The following MYH7B variants were observed in gnomAD, a reference collection of about 807,000 sequenced individuals.
MYH7B encodes myosin-7B.
In MYH7B, 205 loss-of-function variants were observed where a neutral mutation model predicts 234.5. The ratio of observed to expected loss-of-function variants is 0.87; its 90% CI spans 0.78 to 0.98. The LOEUF (loss-of-function observed/expected upper bound fraction) is 0.98, where lower values mean the gene tolerates loss of function less well. MYH7B is among the 50% of genes least tolerant of loss of function. The pLI is 0.00. For missense variants in MYH7B, 2,652 were observed against 2,633.4 expected (o/e 1.01, Z -0.15); for synonymous variants, 1,193 against 1,105.0 (o/e 1.08, Z -1.58).
intron 2 of MYH7B, among the ~76,000 whole-genome samples, chr20:34,960,581 C>T (rs2081686856): frequency 6.6e-6 from 1 of 152,268 alleles, no homozygotes; most frequent in South Asian, 2.1e-4. Flanking sequence ...GCCCCAGGGT[C>T]TGCATCACAC....
chr20:34,990,748 A>C (rs2082131229), exon 23 of MYH7B: 1 of 1,613,974 alleles, frequency 6.2e-7, no homozygotes, highest in Non-Finnish European at 8.5e-7. Context: ...GAGAACCTCA[A>C]CAAGCTGATG....
intron 2 of MYH7B, among the ~76,000 whole-genome samples, chr20:34,959,079 T>A (rs930259406): frequency 2.6e-5 from 4 of 152,186 alleles, no homozygotes; most frequent in Non-Finnish European, 5.9e-5. Context: ...GTATCTCCAT[T>A]GGGTGAATAA....
At chr20:34,971,581 G>T (rs2081794280) in intron 2 of MYH7B, among the ~76,000 whole-genome samples, 2 of 152,264 alleles carry the variant, frequency 1.3e-5, no homozygotes, top group South Asian at 4.1e-4. Context: ...ACAAGCAGGG[G>T]CCCAACCACC....
intron 2 of MYH7B, among the ~76,000 whole-genome samples, chr20:34,961,708 G>A (rs2081699315): frequency 6.6e-6 from 1 of 152,160 alleles, no homozygotes; most frequent in Non-Finnish European, 1.5e-5. Context: ...CTATGGATTT[G>A]CCTTTTCTGA....
chr20:34,978,323 A>G (rs2081889507), intron 5 of MYH7B, among the ~76,000 whole-genome samples: 2 of 152,096 alleles, frequency 1.3e-5, no homozygotes, highest in African/African-American at 4.8e-5. Context: ...CCCCTGTGAA[A>G]TGGGATAATA....
At chr20:34,994,315 G>T in exon 27 of MYH7B, 1 of 1,610,122 alleles carries the variant, frequency 6.2e-7, no homozygotes, top group East Asian at 2.2e-5. Context: ...GGCGCTGGCT[G>T]CGGCCGAGGC....
chr20:34,977,389 A>G (rs1470700618), intron 3 of MYH7B, among the ~76,000 whole-genome samples: 1 of 151,804 alleles, frequency 6.6e-6, no homozygotes, highest in Non-Finnish European at 1.5e-5. Flanking sequence ...TGAGCTCTTC[A>G]GTCTCCTGAA....
At chr20:34,977,049 C>A (rs2081863832) in intron 3 of MYH7B, among the ~76,000 whole-genome samples, 1 of 45,758 alleles carries the variant, frequency 2.2e-5, no homozygotes, top group Non-Finnish European at 4.8e-5. Context: ...CCCTCTCCCC[C>A]TACCCCTCCC....
At chr20:35,001,631 G>A (rs1458989043) in intron 43 of MYH7B, 105 bp downstream of exon 43, 2 of 996,920 alleles carry the variant, frequency 2.0e-6, no homozygotes, top group South Asian at 1.6e-5. Context: ...CAAGGTCAGT[G>A]ACCCAGAGGG....
rs921248471 is a variant in MYH7B at position 34,990,644 on chromosome 20, G to C, written c.1978-94G>C. On this transcript the variant is annotated intron_variant, in intron 22 of 44. Coordinates refer to ENST00000262873, the Ensembl canonical transcript of MYH7B. ...AAAGAGCAAAAGTGCAGGGCACTTA[G>C]GGCCCTGCTCCCGTCTCGGTCCTGA... The C allele has an allele frequency of 6.9e-6, 8 of 1,167,412 alleles. No homozygotes were observed. The African/African-American group carries it at 1.2e-4, about 18-fold the overall frequency. The allele number at this position is 1,167,412 out of a possible 1,614,324, so 72.3% of individuals were successfully genotyped here.
At chr20:34,979,663 G>A in exon 7 of MYH7B, 1 of 1,614,142 alleles carries the variant, frequency 6.2e-7, no homozygotes. Context: ...CCTGGTAGGT[G>A]CTGATGGTGC....
intron 2 of MYH7B, among the ~76,000 whole-genome samples, chr20:34,961,676 A>G (rs1422126621): frequency 3.3e-5 from 5 of 152,214 alleles, no homozygotes; most frequent in African/African-American, 1.2e-4. Flanking sequence ...GCCCCTGGCA[A>G]CCAGTAATTT....
At chr20:34,958,933 A>G (rs1347340406) in intron 2 of MYH7B, among the ~76,000 whole-genome samples, 1 of 152,194 alleles carries the variant, frequency 6.6e-6, no homozygotes, top group East Asian at 1.9e-4. Flanking sequence ...GCTCAATAAT[A>G]TTTGCTAACT....
chr20:34,966,904 A>G (rs1333674864), intron 2 of MYH7B, among the ~76,000 whole-genome samples: 1 of 151,898 alleles, frequency 6.6e-6, no homozygotes, highest in Non-Finnish European at 1.5e-5. Flanking sequence ...GAACATGGGT[A>G]ACAGTGATAC....
At chr20:34,973,012 C>CCG in intron 2 of MYH7B, among the ~76,000 whole-genome samples, 1 of 152,208 alleles carries the variant, frequency 6.6e-6, no homozygotes, top group Non-Finnish European at 1.5e-5. Context: ...CTGTCAAATT[C>CCG]TCTTGCTCAG....
chr20:34,969,848 A>C lies in MYH7B; in HGVS notation c.-221-5552A>C, dbSNP rs138515159. On this transcript the variant is annotated intron_variant, in intron 2 of 44. Transcript: ENST00000262873. ...GTGTGAGCCACCGTACCCGGCCACA[A>C]CTTTTTTTTTTTTGTAACCTAATGA... Among the ~76,000 whole-genome samples the C allele has an allele frequency of 4.6e-3, 691 of 150,960 alleles. 9 individuals are homozygous for C. The highest frequency in any genetic ancestry group is 0.016 in the African/African-American group (664 of 41,184).
chr20:34,989,590 G>C (rs1179052265), intron 19 of MYH7B, 150 bp from the exon 20 acceptor site: 56 of 732,996 alleles, frequency 7.6e-5, no homozygotes, highest in Non-Finnish European at 7.4e-5. Flanking sequence ...GGTTCTTGGA[G>C]TGGGTGTGGT....
intron 10 of MYH7B, among the ~76,000 whole-genome samples, chr20:34,982,980 C>T (rs758251901): frequency 1.3e-5 from 2 of 152,186 alleles, no homozygotes; most frequent in African/African-American, 2.4e-5. Flanking sequence ...TCCCAGCAGC[C>T]GGGGTTGGCA....
chr20:35,000,851 G>T (rs759045609), exon 40 of MYH7B: 1 of 1,613,258 alleles, frequency 6.2e-7, no homozygotes, highest in South Asian at 1.1e-5. Flanking sequence ...CTGCACAGGA[G>T]AGGCGGGAGG....
Sources: gnomAD v4.1 joint callset for allele counts (sites outside exome capture counted in the v4.1 genomes callset) on GRCh38, gnomAD v4.1.1 for gene constraint, MANE v1.5 for transcripts, NCBI Gene and HGNC (gene_info 2026-07-23, HGNC 2026-07-21) for gene names.